Variants in PTPRD observed in about 807,000 individuals in gnomAD.
PTPRD encodes protein tyrosine phosphatase receptor type D.
A neutral mutation model predicts 214.5 loss-of-function variants in PTPRD; 34 were observed. The ratio of observed to expected loss-of-function variants is 0.16; its 90% CI spans 0.12 to 0.21. The LOEUF (loss-of-function observed/expected upper bound fraction) is 0.21, where lower values mean the gene tolerates loss of function less well. Ranked by LOEUF, PTPRD falls within the 10% of genes least tolerant of loss-of-function variation. PTPRD has a pLI of 1.00. For synonymous variants in PTPRD, 1,128 were observed against 845.7 expected (o/e 1.33, Z -5.79); for missense variants, 2,545 against 2,398.7 (o/e 1.06, Z -1.27).
intron 11 of PTPRD, among the ~76,000 whole-genome samples, chr9:9,009,566 G>C (rs985509088): frequency 9.9e-5 from 15 of 151,740 alleles, no homozygotes; most frequent in African/African-American, 3.2e-4. Flanking sequence ...AAGCAAGTTG[G>C]TATGGAGAAA....
intron 3 of PTPRD, among the ~76,000 whole-genome samples, chr9:10,221,146 T>C (rs2099569670): frequency 6.7e-6 from 1 of 150,250 alleles, no homozygotes; most frequent in African/African-American, 2.4e-5. Context: ...TCCCTATCAA[T>C]GTCTTCCTAT....
intron 11 of PTPRD, among the ~76,000 whole-genome samples, chr9:8,958,361 G>C (rs777203526): frequency 2.0e-5 from 3 of 151,902 alleles, no homozygotes; most frequent in Non-Finnish European, 2.9e-5. Context: ...TTTAGATTTT[G>C]ATACAGCATC....
chr9:9,662,150 T>C (rs2096633594), intron 7 of PTPRD, among the ~76,000 whole-genome samples: 1 of 151,738 alleles, frequency 6.6e-6, no homozygotes, highest in Non-Finnish European at 1.5e-5. Flanking sequence ...TAACACTCCA[T>C]ACAGTTACAA....
At chr9:9,794,947 T>A (rs1289770726) in intron 5 of PTPRD, among the ~76,000 whole-genome samples, 1 of 152,124 alleles carries the variant, frequency 6.6e-6, no homozygotes, top group Non-Finnish European at 1.5e-5. Flanking sequence ...AAACCAGAAA[T>A]ATCACAGGTC....
chr9:9,057,358 A>C (rs1397708042), intron 10 of PTPRD, among the ~76,000 whole-genome samples: 6 of 152,138 alleles, frequency 3.9e-5, no homozygotes, highest in Non-Finnish European at 7.4e-5. Context: ...TATCCAATTC[A>C]ATGCCCTCAA....
At chr9:9,126,942 A>C (rs1243792211) in intron 10 of PTPRD, among the ~76,000 whole-genome samples, 5 of 152,038 alleles carry the variant, frequency 3.3e-5, no homozygotes, top group South Asian at 2.1e-4. Context: ...AGCACAAGGA[A>C]CAAACCCAGA....
chr9:9,449,743 TA>T (rs1339136204), intron 8 of PTPRD, among the ~76,000 whole-genome samples: 1 of 151,964 alleles, frequency 6.6e-6, no homozygotes, highest in African/African-American at 2.4e-5. Context: ...TCTTTTTTTT[TA>T]AATTTCAATA....
At chr9:8,359,945 G>C (rs2078047048) in intron 39 of PTPRD, among the ~76,000 whole-genome samples, 1 of 152,040 alleles carries the variant, frequency 6.6e-6, no homozygotes, top group South Asian at 2.1e-4. Context: ...CCTCCAAAAA[G>C]CTCCTCCCAT....
intron 14 of PTPRD, among the ~76,000 whole-genome samples, chr9:8,595,847 T>C (rs2094448636): frequency 6.6e-6 from 1 of 152,202 alleles, no homozygotes; most frequent in South Asian, 2.1e-4. Context: ...ATTCCTGCTC[T>C]ATGTGTCTCT....
chr9:8,802,090 T>C (rs1401761645), intron 11 of PTPRD, among the ~76,000 whole-genome samples: 1 of 152,188 alleles, frequency 6.6e-6, no homozygotes, highest in African/African-American at 2.4e-5. Flanking sequence ...AATGATTAAA[T>C]TGCTCTCTTA....
chr9:9,638,113 TA>T (rs1438847874), intron 7 of PTPRD, among the ~76,000 whole-genome samples: 3 of 152,226 alleles, frequency 2.0e-5, no homozygotes, highest in African/African-American at 7.2e-5. Flanking sequence ...CTATCCATAC[TA>T]ATATCCATAT....
At chr9:10,508,977 G>C (rs1390532338) in intron 2 of PTPRD, among the ~76,000 whole-genome samples, 1 of 151,826 alleles carries the variant, frequency 6.6e-6, no homozygotes, top group African/African-American at 2.4e-5. Flanking sequence ...ATATAAATTG[G>C]AGGCATATAA....
intron 11 of PTPRD, among the ~76,000 whole-genome samples, chr9:8,824,865 T>TA (rs1320287374): frequency 1.3e-5 from 2 of 152,220 alleles, no homozygotes; most frequent in Non-Finnish European, 2.9e-5. Context: ...ACAAGTATAG[T>TA]ATAGTTCTTG....
At chr9:10,585,310 A>T (rs2073533645) in intron 2 of PTPRD, among the ~76,000 whole-genome samples, 1 of 152,058 alleles carries the variant, frequency 6.6e-6, no homozygotes, top group Non-Finnish European at 1.5e-5. Context: ...TAATTCTCCC[A>T]TTGATGAAAG....
rs369154679 is a variant in PTPRD at position 10,292,772 on chromosome 9, G to GT, written c.-545+48190dup. 1.6e-3 allele frequency among the ~76,000 whole-genome samples: 242 copies of GT among 149,128 alleles called. 1 individual carries two copies. The highest frequency in any genetic ancestry group is 3.5e-3 in the Middle Eastern group (1 of 288). On this transcript the variant is annotated intron_variant, in intron 3 of 45. Transcript: ENST00000381196. ...TGATGAATGACTGTAGGATTTTTCT[G>GT]TTTTTTTTTCCACTATTTTATTAAG...
At chr9:8,898,993 G>C (rs1194566108) in intron 11 of PTPRD, among the ~76,000 whole-genome samples, 5 of 152,112 alleles carry the variant, frequency 3.3e-5, no homozygotes, top group African/African-American at 9.7e-5. Flanking sequence ...TAATAAAAGT[G>C]ACTTCATGAA....
chr9:10,608,892 C>T (rs191809236), intron 2 of PTPRD, among the ~76,000 whole-genome samples: 9 of 152,048 alleles, frequency 5.9e-5, no homozygotes, highest in South Asian at 4.2e-4. Flanking sequence ...TTATTCTTTA[C>T]GGATGCCAAA....
At chr9:9,955,251 GAACGAGTACTA>G (rs576247845) in intron 4 of PTPRD, among the ~76,000 whole-genome samples, 211 of 152,258 alleles carry the variant, frequency 1.4e-3, no homozygotes, top group African/African-American at 4.7e-3. Context: ...ATGAATGAGT[GAACGAGTACTA>G]AACGGTGAAA....
rs192473716 is a variant in PTPRD, at chr9:9,448,573, A to G, written c.-236-51091T>C. ...AGCCAATTAAACTTCTTTCCTTCAT[A>G]AATAACCCAGTCTTTGTATTTCTTT... On this transcript the variant is annotated intron_variant, in intron 8 of 45. Transcript: ENST00000381196. 2.2e-3 allele frequency among the ~76,000 whole-genome samples: 340 copies of G among 152,190 alleles called. 2 individuals are homozygous for G. The highest frequency in any genetic ancestry group is 0.01 in the Middle Eastern group (3 of 294).
Sources: allele counts gnomAD v4.1 joint callset (sites outside exome capture counted in the v4.1 genomes callset), GRCh38; gene constraint gnomAD v4.1.1; transcripts MANE v1.5; gene names NCBI Gene and HGNC (gene_info 2026-07-23, HGNC 2026-07-21).